Variants in LONP1 observed in about 807,000 individuals in gnomAD.
LONP1 encodes lon peptidase 1, mitochondrial.
A neutral mutation model predicts 98.5 loss-of-function variants in LONP1; 31 were observed. That is an observed-to-expected ratio of 0.31 (90% confidence interval 0.24 to 0.42). The LOEUF is 0.42. Among genes scored for constraint, LONP1 ranks in the 20% least tolerant of loss-of-function variants. LONP1 has a pLI of 1.00. For synonymous variants in LONP1, 781 were observed against 594.7 expected, an observed-to-expected ratio of 1.31 and a Z score of -4.56; for missense variants, 1,336 against 1,350.6, an observed-to-expected ratio of 0.99 and a Z score of 0.17.
rs113572343 is a variant in LONP1 at position 5,694,514 on chromosome 19, C to G, written c.2193G>C (p.Glu731Asp). The G allele has an allele frequency of 6.8e-6, 11 of 1,613,236 alleles. No homozygotes were observed. Among genetic ancestry groups the G allele is most frequent in the Non-Finnish European group, 9.3e-6 (11 of 1,180,010 alleles). The change falls in exon 15 of 18, where the codon GAG becomes GAC. Residue 731 changes from glutamate to aspartate, a missense_variant. Physicochemically the swap from Glu to Asp is conservative, Grantham distance 45. Coordinates refer to ENST00000360614, the MANE Select transcript of LONP1 (RefSeq NM_004793.4). ...CGGGCGTCACCTCCACGGACTCGGC[C>G]TCGCCGCTGACAATCTTGTAGGCCG... ...RKSAYKIVSGEAESVEVTPEN... is the reference protein window; with the variant it reads ...RKSAYKIVSGDAESVEVTPEN...
chr19:5,696,463 C>A, intron 11 of LONP1, 92 bp from the exon 12 acceptor site: 2 of 1,509,668 alleles, frequency 1.3e-6, no homozygotes, highest in Non-Finnish European at 1.8e-6. Flanking sequence ...GGGGAGACCC[C>A]GAGTGAGAGC....
At position 5,694,522 on chromosome 19, in the gene LONP1, T is replaced by C. The variant is rs1342857416; in HGVS notation, c.2185A>G (p.Ser729Gly). The C allele has an allele frequency of 6.2e-7, 1 of 1,612,848 alleles. No individual in the cohort carries two copies. Among genetic ancestry groups the C allele is most frequent in the East Asian group, 2.2e-5 (1 of 44,870 alleles). Residue 729 changes from serine to glycine, a missense_variant, in exon 15 of 18, where the codon AGC becomes GGC. Around this residue, in one of 5 missense-constraint regions of LONP1, gnomAD observed 555 missense variants for 542.6 expected, o/e 1.02. Transcript: ENST00000360614. ...VLRKSAYKIV[S>G]GEAESVEVTP... ...ACCTCCACGGACTCGGCCTCGCCGC[T>C]GACAATCTTGTAGGCCGATTTCCGT...
At chr19:5,696,616 A>C (rs1392896567) in intron 11 of LONP1, 54 bp downstream of exon 11, 2 of 1,499,042 alleles carry the variant, frequency 1.3e-6, no homozygotes, top group Non-Finnish European at 1.8e-6. Context: ...GCTCGGCTTC[A>C]TCTTGCACAC....
At chr19:5,700,984 T>C (rs909507320) in intron 8 of LONP1, 57 bp from the exon 9 acceptor site, 16 of 1,603,958 alleles carry the variant, frequency 1.0e-5, no homozygotes, top group Non-Finnish European at 1.4e-5. Context: ...CCTGTCTCTC[T>C]GCTGGACTTG....
Position 5,693,659 on chromosome 19 carries a change from T to C in LONP1, c.2431A>G (p.Lys811Glu), listed in dbSNP as rs901233560. 2 of 1,614,046 alleles carry C rather than the reference T, an allele frequency of 1.2e-6. No homozygotes were observed. Among genetic ancestry groups the C allele is most frequent in the Non-Finnish European group, 1.7e-6 (2 of 1,179,970 alleles). ...GTGTAGGCTATGCGGGCGCTCTCCT[T>C]CATCACCTCCCCCAGCTGGCCTGTC... ...EVTGQLGEVM[K>E]ESARIAYTFA... Residue 811 changes from lysine (K) to glutamate (E), a missense_variant, in exon 16 of 18, where the codon AAG (lysine) becomes GAG (glutamate). By Grantham distance (56) the Lys-to-Glu change is moderately conservative. Coordinates refer to ENST00000360614, the MANE Select transcript of LONP1 (RefSeq NM_004793.4).
rs116337775 is a variant in LONP1 at position 5,694,307 on chromosome 19, C to G, written c.2320+80G>C. The stretch of plus-strand genomic sequence containing the variant: ...TCAGAGCCACCTGAGGCCCACTGCA[C>G]AGGTGTACAAGGTGGGACCTGCTTG... On this transcript the variant is annotated intron_variant, in intron 15 of 17. Transcript: ENST00000360614. The G allele has an allele frequency of 3.2e-4, 496 of 1,564,892 alleles. 4 individuals carry two copies. The African/African-American group carries it at 6.1e-3, about 19-fold the overall frequency.
chr19:5,700,647 T>G (rs1384487585), intron 9 of LONP1, 142 bp downstream of exon 9: 1 of 1,173,622 alleles, frequency 8.5e-7, no homozygotes, highest in East Asian at 2.6e-5. Flanking sequence ...GGATGCTACC[T>G]CCGCCGGGAT....
intron 8 of LONP1, 79 bp from the exon 9 acceptor site, chr19:5,701,006 G>A (rs2055031489): frequency 4.5e-6 from 7 of 1,544,362 alleles, no homozygotes; most frequent in South Asian, 1.1e-5. Context: ...CTGGGTGGTT[G>A]CAAGGGGCTT....
At position 5,696,287 on chromosome 19, in the gene LONP1, G is replaced by C. The variant is rs1353614161; in HGVS notation, c.1858C>G (p.Leu620Val). 1.2e-6 allele frequency: 2 copies of C among 1,613,458 alleles called. No homozygotes were observed. The highest frequency in any genetic ancestry group is 1.7e-6 in the Non-Finnish European group (2 of 1,179,904). ...ACGGGCACGTCCAGGTAGTGGTCCA[G>C]GAAGTTGGCATTCTGCTCTGGGTCC... is the stretch of plus-strand genomic sequence containing the variant. ...LLDPEQNANF[L>V]DHYLDVPVDL... is the part of the protein sequence containing the mutation. The change falls in exon 12 of 18, where the codon CTG (leucine) becomes GTG (valine). Residue 620 changes from leucine to valine, a missense_variant. This residue lies in a region of LONP1 where 555 missense variants were observed against 542.6 expected (regional missense o/e 1.02). Transcript: ENST00000360614.
rs201679198 is a variant in LONP1, at chr19:5,699,067, C to T, written c.1645G>A (p.Val549Ile). The change falls in exon 10 of 18, where the codon GTC becomes ATC. Residue 549 changes from valine (V) to isoleucine (I), a missense_variant. Coordinates refer to ENST00000360614, the MANE Select transcript of LONP1 (RefSeq NM_004793.4). Reference sequence around the variant, plus strand: ...TCAGCCACGTCAGTCATGCCCCCGACGCTGAAGCGGAAGTACTCTCGGTTC... The same window carrying T: ...TCAGCCACGTCAGTCATGCCCCCGATGCTGAAGCGGAAGTACTCTCGGTTC... ...ALNREYFRFS[V>I]GGMTDVAEIK... 38 of 1,608,974 alleles carry T rather than the reference C, an allele frequency of 2.4e-5. No individual in the cohort carries two copies. The African/African-American group carries it at 3.3e-4, about 14-fold the overall frequency.
At chr19:5,705,193 G>A (rs1375764113) in intron 8 of LONP1, among the ~76,000 whole-genome samples, 3 of 150,232 alleles carry the variant, frequency 2.0e-5, no homozygotes, top group Non-Finnish European at 4.4e-5. Context: ...ATGGTGGCTC[G>A]CGCCTGTAAT....
chr19:5,703,775 T>C (rs374466512), intron 8 of LONP1, among the ~76,000 whole-genome samples: 1 of 151,660 alleles, frequency 6.6e-6, no homozygotes, highest in African/African-American at 2.4e-5. Flanking sequence ...GCTGCAGGCA[T>C]CTTGGTGACA....
At chr19:5,699,897 G>A (rs1309909205) in intron 9 of LONP1, among the ~76,000 whole-genome samples, 1 of 151,892 alleles carries the variant, frequency 6.6e-6, no homozygotes, top group Non-Finnish European at 1.5e-5. Flanking sequence ...CCACCTGCCT[G>A]CCTGGTTTCC....
Position 5,691,976 on chromosome 19 carries a change from T to TCAGTTCTGGCCCAGACCGGGCCTGACATC in LONP1, c.*55_*56insGATGTCAGGCCCGGTCTGGGCCAGAACTG. On this transcript the variant is annotated 3_prime_UTR_variant, in exon 18 of 18. Coordinates refer to ENST00000360614, the MANE Select transcript of LONP1 (RefSeq NM_004793.4). The stretch of plus-strand genomic sequence containing the variant: ...GGTCCGGGCGCGCTCCCCACAGCGC[T>TCAGTTCTGGCCCAGACCGGGCCTGACATC]CAGTTCTGGCCCAGACAGGGCCTGA... 2.6e-6 allele frequency: 4 copies of TCAGTTCTGGCCCAGACCGGGCCTGACATC among 1,536,482 alleles called. No homozygotes were observed. Among genetic ancestry groups the TCAGTTCTGGCCCAGACCGGGCCTGACATC allele is most frequent in the Non-Finnish European group, 3.5e-6 (4 of 1,135,664 alleles).
At chr19:5,704,619 C>T (rs974596131) in intron 8 of LONP1, among the ~76,000 whole-genome samples, 5 of 152,212 alleles carry the variant, frequency 3.3e-5, no homozygotes, top group Non-Finnish European at 7.3e-5. Context: ...GAGCATGCTG[C>T]ATGGGAAGTG....
intron 8 of LONP1, among the ~76,000 whole-genome samples, chr19:5,702,971 C>G (rs1411551663): frequency 6.7e-6 from 1 of 149,986 alleles, no homozygotes; most frequent in African/African-American, 2.5e-5. Context: ...GTCCTATGAC[C>G]CTGCCAAATC....
chr19:5,693,059 ACCC>A (rs988401975), intron 17 of LONP1, among the ~76,000 whole-genome samples: 1 of 151,618 alleles, frequency 6.6e-6, no homozygotes, highest in African/African-American at 2.4e-5. Context: ...AGCAGGAGCC[ACCC>A]CCCCAATCCT....
rs140657788 is a variant in LONP1 at position 5,707,754 on chromosome 19, G to A, written c.1005C>T (p.Gly335=). 1.7e-5 allele frequency: 28 copies of A among 1,613,288 alleles called. No individual in the cohort carries two copies. Among genetic ancestry groups the A allele is most frequent in the Admixed American group, 5.0e-5 (3 of 60,016 alleles). The change falls in exon 6 of 18, where the codon GGC becomes GGT. Residue 335 remains glycine (G), a synonymous_variant. Transcript: ENST00000360614. ...VDNPIYLSDM[G]AALTGAESHE... ...GGGACTCGGCCCCGGTGAGCGCGGC[G>A]CCCATGTCGCTCAGGTAGATGGGGT...
Position 5,696,226 on chromosome 19 carries a change from C to T in LONP1, c.1896+23G>A, listed in dbSNP as rs745654598. On this transcript the variant is annotated intron_variant, in intron 12 of 17. Coordinates refer to ENST00000360614, the MANE Select transcript of LONP1 (RefSeq NM_004793.4). ...GGCCGCTTACCCTCCCCAGCAAGCCCAGGCCCCAGACAGGCCCCCCACCTT... is the reference window on the plus strand; with the variant it reads ...GGCCGCTTACCCTCCCCAGCAAGCCTAGGCCCCAGACAGGCCCCCCACCTT... 5 of 1,612,846 alleles carry T rather than the reference C, an allele frequency of 3.1e-6. No individual in the cohort carries two copies. The African/African-American group carries it at 5.3e-5, about 17-fold the overall frequency.
Sources: allele counts gnomAD v4.1 joint callset (sites outside exome capture counted in the v4.1 genomes callset), GRCh38; gene constraint gnomAD v4.1.1; regional missense constraint gnomAD v4.1.1; transcripts MANE v1.5; gene names NCBI Gene and HGNC (gene_info 2026-07-23, HGNC 2026-07-21).